Variants in KCNG2 observed in about 807,000 individuals in gnomAD.
The protein encoded by KCNG2 is potassium voltage-gated channel modifier subfamily G member 2.
KCNG2 carries 7 observed loss-of-function variants against 12.3 expected under a neutral mutation model. The ratio of observed to expected loss-of-function variants is 0.57; its 90% CI spans 0.32 to 1.07. The LOEUF (loss-of-function observed/expected upper bound fraction) is 1.07, where lower values mean the gene tolerates loss of function less well. KCNG2 is among the 50% of genes least tolerant of loss of function. KCNG2 has a pLI of 0.04. For synonymous variants in KCNG2, 414 were observed against 351.4 expected, an observed-to-expected ratio of 1.18 and a Z score of -1.99; for missense variants, 703 against 726.0, an observed-to-expected ratio of 0.97 and a Z score of 0.36.
chr18:79,819,771 C>T (rs537706786), intron 1 of KCNG2, among the ~76,000 whole-genome samples: 1 of 152,362 alleles, frequency 6.6e-6, no homozygotes, highest in African/African-American at 2.4e-5. Context: ...ATTCCAACCG[C>T]CGTGCTGTGC....
At chr18:79,873,499 C>T (rs1369424301) in intron 3 of KCNG2, among the ~76,000 whole-genome samples, 1 of 150,684 alleles carries the variant, frequency 6.6e-6, no homozygotes, top group Non-Finnish European at 1.5e-5. Context: ...TGAGCACATC[C>T]AGCCTGCGCT....
At chr18:79,897,849 A>C (rs1187327210) in intron 3 of KCNG2, among the ~76,000 whole-genome samples, 1 of 152,036 alleles carries the variant, frequency 6.6e-6, no homozygotes, top group African/African-American at 2.4e-5. Context: ...CCCTGGGATG[A>C]CAGGGCTTGG....
intron 3 of KCNG2, among the ~76,000 whole-genome samples, chr18:79,873,813 G>C (rs1372240916): frequency 6.6e-6 from 1 of 152,224 alleles, no homozygotes; most frequent in South Asian, 2.1e-4. Context: ...CCTGGGACTT[G>C]GCGGGGAGTG....
At chr18:79,879,609 A>G (rs1980214969) in intron 3 of KCNG2, among the ~76,000 whole-genome samples, 1 of 152,206 alleles carries the variant, frequency 6.6e-6, no homozygotes, top group African/African-American at 2.4e-5. Flanking sequence ...ACAAAGATGA[A>G]AAGGCAGGGG....
Position 79,899,905 on chromosome 18 carries a change from G to C in KCNG2, c.*89G>C. ...TGCGCCAAGGGGTGGGGGGCGTCTG[G>C]CCTGGGGGAGCGGCTCCTGCCGGCC... is the stretch of plus-strand genomic sequence containing the variant. On this transcript the variant is annotated 3_prime_UTR_variant, in exon 4 of 4. Coordinates refer to ENST00000316249, the MANE Select transcript of KCNG2 (RefSeq NM_012283.2). The C allele has an allele frequency of 1.7e-6, 2 of 1,185,796 alleles. No homozygotes were observed. The highest frequency in any genetic ancestry group is 2.1e-6 in the Non-Finnish European group (2 of 935,940). 73.5% of individuals were successfully genotyped at this position (1,185,796 alleles called of 1,614,324 possible). A position where few individuals can be genotyped will look rare whatever the true frequency, so the allele number is the denominator to read the frequency against.
At chr18:79,861,950 A>G (rs995822585) in intron 2 of KCNG2, among the ~76,000 whole-genome samples, 4 of 152,220 alleles carry the variant, frequency 2.6e-5, no homozygotes, top group Non-Finnish European at 5.9e-5. Context: ...TTCAGCTATT[A>G]CACTTTCAAC....
At chr18:79,866,804 CTGTGTGT>C (rs1979592793) in intron 3 of KCNG2, among the ~76,000 whole-genome samples, 1 of 104,850 alleles carries the variant, frequency 9.5e-6, no homozygotes, top group African/African-American at 3.5e-5. Context: ...GTGCTGAGGT[CTGTGTGT>C]CTGTGTGCTG....
intron 3 of KCNG2, among the ~76,000 whole-genome samples, chr18:79,881,800 G>A (rs1229482685): frequency 1.3e-5 from 2 of 152,182 alleles, no homozygotes; most frequent in Non-Finnish European, 2.9e-5. Flanking sequence ...AGCAGCAGTT[G>A]GAACTGACAC....
At chr18:79,890,442 C>T (rs111922601) in intron 3 of KCNG2, among the ~76,000 whole-genome samples, 24 of 152,238 alleles carry the variant, frequency 1.6e-4, no homozygotes, top group African/African-American at 2.9e-4. Flanking sequence ...GCACAGCACC[C>T]GACAGCACGT....
intron 3 of KCNG2, among the ~76,000 whole-genome samples, chr18:79,874,580 C>T (rs1428132176): frequency 6.6e-6 from 1 of 152,216 alleles, no homozygotes; most frequent in Non-Finnish European, 1.5e-5. Flanking sequence ...GGGGGCCCAC[C>T]CCAGAATTGA....
rs930388061 is a variant in KCNG2, at chr18:79,803,849, C to T, written c.-115+5835C>T. On this transcript the variant is annotated intron_variant, in intron 1 of 3. Transcript: ENST00000316249. The surrounding 1 kb of genome is among the most constrained non-coding windows in gnomAD (Gnocchi z 4.5). ...AAGTTTCTCCTCACTGTGATGGCCC[C>T]GGGGCCATGCTGAGGCCTCCGTGTT... is the stretch of plus-strand genomic sequence containing the variant. Among the ~76,000 whole-genome samples the T allele has an allele frequency of 2.0e-5, 3 of 152,118 alleles. No individual in the cohort carries two copies. Among genetic ancestry groups the T allele is most frequent in the Non-Finnish European group, 2.9e-5 (2 of 67,996 alleles).
chr18:79,803,177 CA>C lies in KCNG2; in HGVS notation c.-115+5173del, dbSNP rs1210325604. 4.7e-5 allele frequency among the ~76,000 whole-genome samples: 7 copies of C among 148,216 alleles called. No homozygotes were observed. Among genetic ancestry groups the C allele is most frequent in the Non-Finnish European group, 6.0e-5 (4 of 66,840 alleles). ...TGGGTGACAGAGCAAGACTCTGTCTCAAAAAAAAAATAGTTAACACTCATGA... is the reference window on the plus strand; with the variant it reads ...TGGGTGACAGAGCAAGACTCTGTCTCAAAAAAAAATAGTTAACACTCATGA... On this transcript the variant is annotated intron_variant, in intron 1 of 3. Coordinates refer to ENST00000316249, the MANE Select transcript of KCNG2 (RefSeq NM_012283.2). This position sits in a 1 kb window ranked among gnomAD's most constrained non-coding sequence, Gnocchi z 4.5.
rs561182267 is a variant in KCNG2 at position 79,899,805 on chromosome 18, G to T, written c.1390G>T (p.Ala464Ser). 1 of 1,408,736 alleles carries T rather than the reference G, an allele frequency of 7.1e-7. No individual in the cohort carries two copies. The highest frequency in any genetic ancestry group is 9.2e-7 in the Non-Finnish European group (1 of 1,089,404). 87.3% of individuals were successfully genotyped at this position (1,408,736 alleles called of 1,614,324 possible). A position where few individuals can be genotyped will look rare whatever the true frequency, so the allele number is the denominator to read the frequency against. ...CTCCGCGGATGCGCTGTGGGTGCGG[G>T]CAGGGCGCTGACGCCTGCGCCGCCC... The part of the protein sequence containing the change: ...DDSADALWVR[A>S]GR Residue 464 changes from alanine to serine, a missense_variant, in exon 4 of 4, where the codon GCA (alanine) becomes TCA (serine). Physicochemically the swap from Ala to Ser is moderately conservative, Grantham distance 99. Transcript: ENST00000316249.
intron 3 of KCNG2, among the ~76,000 whole-genome samples, chr18:79,887,913 AGAGG>A (rs1408679577): frequency 6.6e-5 from 10 of 152,192 alleles, no homozygotes; most frequent in Non-Finnish European, 1.3e-4. Flanking sequence ...AGAAGGCTGC[AGAGG>A]GAGGCGAATG....
Position 79,869,881 on chromosome 18 carries a change from C to T in KCNG2, c.624+5590C>T, listed in dbSNP as rs942001355. On this transcript the variant is annotated intron_variant, in intron 3 of 3. Transcript: ENST00000316249. ...CGACCTGCAGACACCTCAGCCGCCG[C>T]CACCACCACGCGGGACGGCCCGCAG... 2.0e-5 allele frequency among the ~76,000 whole-genome samples: 3 copies of T among 152,264 alleles called. No homozygotes were observed. In the East Asian group the frequency reaches 5.8e-4, roughly 29 times the overall value.
intron 1 of KCNG2, among the ~76,000 whole-genome samples, chr18:79,809,959 G>A (rs1284521089): frequency 6.6e-6 from 1 of 152,232 alleles, no homozygotes; most frequent in Non-Finnish European, 1.5e-5. Flanking sequence ...GCGGAGTCCT[G>A]TGCTCATTGG....
At chr18:79,825,900 C>T (rs540291) in intron 1 of KCNG2, among the ~76,000 whole-genome samples, 71,038 of 152,170 alleles carry the variant, frequency 0.47, 16,961 homozygotes, top group Non-Finnish European at 0.52. Context: ...TTTCTTTATG[C>T]GTCTGCCCAT....
intron 3 of KCNG2, among the ~76,000 whole-genome samples, chr18:79,882,092 TATA>T (rs1160323334): frequency 1.3e-5 from 2 of 152,220 alleles, no homozygotes; most frequent in Admixed American, 1.3e-4. Context: ...CATTTAAAAC[TATA>T]AACTTGTAGA....
intron 1 of KCNG2, among the ~76,000 whole-genome samples, chr18:79,849,109 C>A (rs1978726154): frequency 6.6e-6 from 1 of 152,154 alleles, no homozygotes; most frequent in Non-Finnish European, 1.5e-5. Context: ...CAGGCCCCGC[C>A]TCCACATCGA....
Sources: allele counts gnomAD v4.1 joint callset (sites outside exome capture counted in the v4.1 genomes callset), GRCh38; gene constraint gnomAD v4.1.1; non-coding constraint Gnocchi (gnomAD v3.1); transcripts MANE v1.5; gene names NCBI Gene and HGNC (gene_info 2026-07-23, HGNC 2026-07-21).